Variants in GALNTL6 observed in about 807,000 individuals in gnomAD.
The protein encoded by GALNTL6 is polypeptide N-acetylgalactosaminyltransferase-like 6.
In GALNTL6, 46 loss-of-function variants were observed where a neutral mutation model predicts 73.7. The ratio of observed to expected loss-of-function variants is 0.62; its 90% CI spans 0.49 to 0.80. The LOEUF is 0.80. GALNTL6 is among the 30% of genes least tolerant of loss of function. GALNTL6 has a pLI of 0.00. For missense variants in GALNTL6, 604 were observed against 755.0 expected (o/e 0.80, Z 2.34); for synonymous variants, 259 against 263.7 (o/e 0.98, Z 0.17).
At chr4:172,704,088 T>C (rs1734186178) in intron 5 of GALNTL6, among the ~76,000 whole-genome samples, 1 of 151,996 alleles carries the variant, frequency 6.6e-6, no homozygotes, top group Non-Finnish European at 1.5e-5. Context: ...TCTCTCATTT[T>C]TTTCTTAGTA....
intron 2 of GALNTL6, among the ~76,000 whole-genome samples, chr4:171,840,998 A>G (rs779846144): frequency 1.3e-4 from 20 of 152,182 alleles, no homozygotes; most frequent in Admixed American, 2.6e-4. Context: ...ATCATGTTTC[A>G]GTGGAAAATG....
At chr4:172,617,906 A>G (rs577841738) in intron 5 of GALNTL6, among the ~76,000 whole-genome samples, 1 of 152,168 alleles carries the variant, frequency 6.6e-6, no homozygotes, top group African/African-American at 2.4e-5. Flanking sequence ...TAATGTGACA[A>G]TGTACATTGC....
intron 8 of GALNTL6, among the ~76,000 whole-genome samples, chr4:172,898,763 T>C (rs1746469307): frequency 6.6e-6 from 1 of 152,200 alleles, no homozygotes; most frequent in Non-Finnish European, 1.5e-5. Flanking sequence ...GAGGAGAACA[T>C]CCCTCATATT....
At chr4:172,826,101 G>A (rs761348350) in intron 7 of GALNTL6, among the ~76,000 whole-genome samples, 7 of 151,948 alleles carry the variant, frequency 4.6e-5, no homozygotes, top group Middle Eastern at 3.2e-3. Context: ...TGCTTCCACC[G>A]TGAGCAGCAG....
intron 2 of GALNTL6, among the ~76,000 whole-genome samples, chr4:171,844,978 T>C (rs564488755): frequency 6.6e-6 from 1 of 152,260 alleles, no homozygotes; most frequent in South Asian, 2.1e-4. Context: ...CTCCAACCTG[T>C]AGACATTAAT....
chr4:172,113,499 G>C (rs575535477), intron 2 of GALNTL6, among the ~76,000 whole-genome samples: 43 of 152,006 alleles, frequency 2.8e-4, no homozygotes, highest in African/African-American at 1.0e-3. Flanking sequence ...TATATAAAAT[G>C]TTACAATGCA....
In GALNTL6 at chr4:173,032,386, G is replaced by A. The variant is rs1169175711; in HGVS notation, c.1639-7547G>A. 3.3e-5 allele frequency among the ~76,000 whole-genome samples: 5 copies of A among 151,748 alleles called. No individual in the cohort carries two copies. In the East Asian group the frequency reaches 9.7e-4, roughly 29 times the overall value. On this transcript the variant is annotated intron_variant, in intron 12 of 12. Coordinates refer to ENST00000506823, the MANE Select transcript of GALNTL6 (RefSeq NM_001034845.3). The stretch of plus-strand genomic sequence containing the variant: ...GAATGGCGTGAACCCGGGAGGCGGA[G>A]CTTGCAGTGAGCCGAGATCGTGCCA...
intron 5 of GALNTL6, among the ~76,000 whole-genome samples, chr4:172,566,648 C>G (rs1338253992): frequency 6.6e-6 from 1 of 150,936 alleles, no homozygotes; most frequent in Admixed American, 6.6e-5. Flanking sequence ...AAACTACATC[C>G]AAAGTTAGTA....
At chr4:171,843,358 C>T (rs960083051) in intron 2 of GALNTL6, among the ~76,000 whole-genome samples, 1 of 151,836 alleles carries the variant, frequency 6.6e-6, no homozygotes, top group Admixed American at 6.6e-5. Flanking sequence ...AGGGACATAC[C>T]TTCTTGCAAT....
intron 5 of GALNTL6, among the ~76,000 whole-genome samples, chr4:172,651,830 C>T (rs1449156103): frequency 6.6e-6 from 1 of 152,062 alleles, no homozygotes; most frequent in Non-Finnish European, 1.5e-5. Context: ...TGAATAGAGG[C>T]AGGGAAAACA....
intron 5 of GALNTL6, among the ~76,000 whole-genome samples, chr4:172,693,070 C>T (rs1733413603): frequency 6.6e-6 from 1 of 152,094 alleles, no homozygotes. Context: ...CCAAAATATG[C>T]ATAAAATGGA....
chr4:172,406,167 GTC>G (rs765225500), intron 5 of GALNTL6, among the ~76,000 whole-genome samples: 3 of 151,760 alleles, frequency 2.0e-5, no homozygotes, highest in East Asian at 1.9e-4. Context: ...CATTTTATCT[GTC>G]TCTGTTTATT....
At chr4:172,389,076 A>G (rs1279833024) in intron 5 of GALNTL6, among the ~76,000 whole-genome samples, 1 of 152,028 alleles carries the variant, frequency 6.6e-6, no homozygotes, top group Non-Finnish European at 1.5e-5. Flanking sequence ...ATTAGACAAG[A>G]CGTAATTTCA....
chr4:172,211,915 C>T (rs1350117348), intron 2 of GALNTL6, among the ~76,000 whole-genome samples: 1 of 152,164 alleles, frequency 6.6e-6, no homozygotes, highest in African/African-American at 2.4e-5. Flanking sequence ...GGCCCCACTT[C>T]TCAATATAAT....
chr4:172,338,939 G>A (rs745852502), intron 4 of GALNTL6, among the ~76,000 whole-genome samples: 5 of 152,134 alleles, frequency 3.3e-5, no homozygotes, highest in Non-Finnish European at 7.4e-5. Context: ...TGTTTTATAA[G>A]CTTGGAGATC....
At chr4:173,037,129 G>A (rs757936476) in intron 12 of GALNTL6, among the ~76,000 whole-genome samples, 7 of 152,162 alleles carry the variant, frequency 4.6e-5, no homozygotes, top group Non-Finnish European at 7.3e-5. Flanking sequence ...CTTCACCTCC[G>A]GGACTTGCTG....
intron 2 of GALNTL6, among the ~76,000 whole-genome samples, chr4:172,108,735 T>C (rs932293254): frequency 6.6e-6 from 1 of 151,890 alleles, no homozygotes; most frequent in African/African-American, 2.4e-5. Flanking sequence ...AAATTTGAAT[T>C]TGGGGCTGGG....
intron 8 of GALNTL6, among the ~76,000 whole-genome samples, chr4:172,907,969 G>A (rs1704215284): frequency 6.6e-6 from 1 of 152,100 alleles, no homozygotes; most frequent in South Asian, 2.1e-4. Context: ...GCATTTGGGG[G>A]CCATTATTAA....
chr4:172,134,889 A>C (rs535671264), intron 2 of GALNTL6, among the ~76,000 whole-genome samples: 10 of 152,286 alleles, frequency 6.6e-5, no homozygotes, highest in African/African-American at 1.9e-4. Flanking sequence ...AAATGAAGAA[A>C]AATGTCACAA....
Sources: allele counts gnomAD v4.1 joint callset (sites outside exome capture counted in the v4.1 genomes callset), GRCh38; gene constraint gnomAD v4.1.1; transcripts MANE v1.5; gene names NCBI Gene and HGNC (gene_info 2026-07-23, HGNC 2026-07-21).